Variants in NUP153 observed in about 807,000 individuals in gnomAD.
NUP153 encodes nucleoporin 153.
NUP153 carries 27 observed loss-of-function variants against 134.6 expected under a neutral mutation model. That is an observed-to-expected ratio of 0.20 (90% CI 0.15 to 0.28). The LOEUF is 0.28. Among genes scored for constraint, NUP153 ranks in the 10% least tolerant of loss-of-function variants. The pLI is 1.00. For synonymous variants in NUP153, 640 were observed against 623.5 expected (o/e 1.03, Z -0.40); for missense variants, 1,821 against 1,731.3 (o/e 1.05, Z -0.92).
intron 2 of NUP153, among the ~76,000 whole-genome samples, chr6:17,684,734 G>A (rs1768807384): frequency 6.6e-6 from 1 of 152,124 alleles, no homozygotes; most frequent in African/African-American, 2.4e-5. Context: ...TAAAAGACGG[G>A]GAACTCTGAT....
At chr6:17,623,948 G>A (rs1340003478) in intron 20 of NUP153, among the ~76,000 whole-genome samples, 2 of 151,990 alleles carry the variant, frequency 1.3e-5, no homozygotes, top group Non-Finnish European at 2.9e-5. Flanking sequence ...GATACATGAG[G>A]GGCTTCCAGG....
At position 17,647,915 on chromosome 6, in the gene NUP153, CA is replaced by C. The variant is rs749290555; in HGVS notation, c.1534-11del. On this transcript the variant is annotated splice_polypyrimidine_tract_variant and intron_variant, in intron 12 of 21. Transcript: ENST00000262077. ...GAGAGGTCATTTGTACCTGGTTTTCCAAATTATTAAGAAATGATACAAAAAG... is the reference window on the plus strand; with the variant it reads ...GAGAGGTCATTTGTACCTGGTTTTCCAATTATTAAGAAATGATACAAAAAG... 1.9e-6 allele frequency: 3 copies of C among 1,560,320 alleles called. No individual in the cohort carries two copies. The highest frequency in any genetic ancestry group is 1.2e-5 in the South Asian group (1 of 86,906).
Position 17,616,691 on chromosome 6 carries a change from C to A in NUP153, c.4179G>T (p.Ser1393=). 1 of 1,611,032 alleles carries A rather than the reference C, an allele frequency of 6.2e-7. No homozygotes were observed. ...TAGTGCTGCTGCCAAACTGGAAAGC[C>A]GAACCTGCAATAGTTAAAGCAGAAA... ...FGSGTTPNSS[S]AFQFGSSTTN... The change falls in exon 21 of 22, where the codon TCG becomes TCT. Residue 1393 remains serine (S), a synonymous_variant. Coordinates refer to ENST00000262077, the MANE Select transcript of NUP153 (RefSeq NM_005124.4).
chr6:17,630,831 G>C lies in NUP153; in HGVS notation c.2660-1292C>G, dbSNP rs114885624. 8.8e-3 allele frequency among the ~76,000 whole-genome samples: 1,335 copies of C among 151,730 alleles called. 10 individuals are homozygous for C. Among genetic ancestry groups the C allele is most frequent in the Non-Finnish European group, 0.014 (932 of 67,916 alleles). On this transcript the variant is annotated intron_variant, in intron 17 of 21. Transcript: ENST00000262077. ...AGAGGAGAGAAGAGAAAAGAGAAGA[G>C]AGCAAGCATTATACTGACAAGATCA...
At chr6:17,689,789 T>C (rs773215443) in intron 1 of NUP153, among the ~76,000 whole-genome samples, 1 of 152,062 alleles carries the variant, frequency 6.6e-6, no homozygotes, top group Non-Finnish European at 1.5e-5. Flanking sequence ...CCTCCCAAAG[T>C]GCTGGGATTA....
chr6:17,627,981 TC>T (rs1765027790), intron 18 of NUP153, among the ~76,000 whole-genome samples: 1 of 152,318 alleles, frequency 6.6e-6, no homozygotes, highest in South Asian at 2.1e-4. Context: ...GCCACTCCTA[TC>T]CCAAAGGAAC....
chr6:17,655,456 TAC>T (rs1491503831), intron 11 of NUP153, among the ~76,000 whole-genome samples: 1 of 111,260 alleles, frequency 9.0e-6, no homozygotes, highest in Non-Finnish European at 1.8e-5. Flanking sequence ...ATCTTATTAT[TAC>T]TTTTTTTTTT....
In NUP153 at chr6:17,675,453, A is replaced by T; in HGVS notation, c.583+69T>A. 6.3e-7 allele frequency: 1 copy of T among 1,577,206 alleles called. No individual in the cohort carries two copies. On this transcript the variant is annotated intron_variant, in intron 3 of 21. Transcript: ENST00000262077. The surrounding 1 kb of genome is among the most constrained non-coding windows in gnomAD (Gnocchi z 4.4). Reference sequence around the variant, plus strand: ...AAATAGAAAATAAAAATTACAACCAAGTCAGAAAAAAAACCCATAAAATTT... The same window carrying T: ...AAATAGAAAATAAAAATTACAACCATGTCAGAAAAAAAACCCATAAAATTT...
intron 17 of NUP153, among the ~76,000 whole-genome samples, chr6:17,631,870 A>G (rs1310743741): frequency 1.3e-5 from 2 of 151,944 alleles, no homozygotes; most frequent in Admixed American, 6.6e-5. Flanking sequence ...GGGAGGCTGA[A>G]GCAGGAGAAT....
intron 14 of NUP153, among the ~76,000 whole-genome samples, chr6:17,641,179 G>A (rs1209592419): frequency 1.3e-5 from 2 of 152,156 alleles, no homozygotes; most frequent in East Asian, 1.9e-4. Flanking sequence ...GTTGAAGAGT[G>A]ACCTGACATG....
At position 17,669,545 on chromosome 6, in the gene NUP153, G is replaced by T; in HGVS notation, c.854C>A (p.Ala285Glu). The T allele has an allele frequency of 6.3e-7, 1 of 1,591,038 alleles. No homozygotes were observed. The highest frequency in any genetic ancestry group is 8.6e-7 in the Non-Finnish European group (1 of 1,158,974). The stretch of plus-strand genomic sequence containing the variant: ...AGCTTTCATTTGTCTTCTAACTGGT[G>T]CCTGTAAAGTAAACCCTATATTATT... The part of the protein sequence containing the change: ...QSKLRNTPYQ[A>E]PVRRQMKAKQ... Residue 285 changes from alanine (A) to glutamate (E), a missense_variant and splice_region_variant, in exon 6 of 22, where the codon GCA (alanine) becomes GAA (glutamate). Transcript: ENST00000262077.
chr6:17,661,404 G>T (rs1344846200), intron 11 of NUP153, among the ~76,000 whole-genome samples: 1 of 152,086 alleles, frequency 6.6e-6, no homozygotes, highest in Non-Finnish European at 1.5e-5. Context: ...GTAATACCAA[G>T]GGTCAAATAA....
chr6:17,632,957 T>C (rs1460150748), intron 16 of NUP153, 113 bp from the exon 17 acceptor site: 3 of 716,184 alleles, frequency 4.2e-6, no homozygotes, highest in Middle Eastern at 4.2e-4. Flanking sequence ...TTTCTAATAA[T>C]ATTTCCTATT....
intron 21 of NUP153, among the ~76,000 whole-genome samples, 159 bp downstream of exon 21, chr6:17,616,368 T>C (rs1341241633): frequency 3.3e-5 from 5 of 152,210 alleles, no homozygotes; most frequent in African/African-American, 4.8e-5. Flanking sequence ...CAAACTGTAA[T>C]ATAATCCTCC....
intron 1 of NUP153, among the ~76,000 whole-genome samples, chr6:17,703,477 A>G (rs534013553): frequency 1.3e-4 from 20 of 152,190 alleles, no homozygotes; most frequent in African/African-American, 4.8e-4. Context: ...AAACCCTTGG[A>G]CACTTAATCA....
chr6:17,636,325 ACT>A (rs1160752792), intron 16 of NUP153, among the ~76,000 whole-genome samples: 1 of 147,146 alleles, frequency 6.8e-6, no homozygotes, highest in Non-Finnish European at 1.5e-5. Flanking sequence ...ACACAGTGAG[ACT>A]CTGTCTCAAA....
At chr6:17,666,830 G>A (rs892533937) in intron 8 of NUP153, among the ~76,000 whole-genome samples, 21 of 152,144 alleles carry the variant, frequency 1.4e-4, no homozygotes, top group Non-Finnish European at 1.2e-4. Context: ...TATGAATAAG[G>A]TCCTTTCATT....
In NUP153 at chr6:17,637,573, G is replaced by C; in HGVS notation, c.2044C>G (p.Gln682Glu). Residue 682 changes from glutamine (Q) to glutamate (E), a missense_variant, in exon 16 of 22, where the codon CAA becomes GAA. Transcript: ENST00000262077. ...KVTDNKCIAC[Q>E]AAKLSPRDTA... Reference sequence around the variant, plus strand: ...TCTCTGGGTGACAATTTTGCTGCTTGACAGGCTATGCATTTGTTGTCTGTA... The same window carrying C: ...TCTCTGGGTGACAATTTTGCTGCTTCACAGGCTATGCATTTGTTGTCTGTA... 1.2e-6 allele frequency: 2 copies of C among 1,614,114 alleles called. No homozygotes were observed. Among genetic ancestry groups the C allele is most frequent in the South Asian group, 2.2e-5 (2 of 91,082 alleles).
chr6:17,640,573 T>A lies in NUP153; in HGVS notation c.1721-509A>T, dbSNP rs118071331. On this transcript the variant is annotated intron_variant, in intron 14 of 21. Transcript: ENST00000262077. ...AAATAAGGGTATATGGTTACATAAA[T>A]TACATAACAGTGACATGATGAAATA... is the stretch of plus-strand genomic sequence containing the variant. Among the ~76,000 whole-genome samples the A allele has an allele frequency of 5.9e-5, 9 of 152,316 alleles. No individual in the cohort carries two copies. In the East Asian group the frequency reaches 1.5e-3, roughly 26 times the overall value.
Sources: allele counts gnomAD v4.1 joint callset (sites outside exome capture counted in the v4.1 genomes callset), GRCh38; gene constraint gnomAD v4.1.1; non-coding constraint Gnocchi (gnomAD v3.1); transcripts MANE v1.5; gene names NCBI Gene and HGNC (gene_info 2026-07-23, HGNC 2026-07-21).